GEMIN5: variants seen among roughly 807,000 people sequenced by gnomAD.
GEMIN5 encodes the protein gem nuclear organelle associated protein 5.
A neutral mutation model predicts 176.9 loss-of-function variants in GEMIN5; 124 were observed. That is an observed-to-expected ratio of 0.70 (90% CI 0.61 to 0.81). The LOEUF is 0.81. GEMIN5 is among the 40% of genes least tolerant of loss of function. The probability of loss-of-function intolerance (pLI) is 0.00; values close to 1 mark genes in which losing one functional copy is unlikely to be tolerated. For missense variants in GEMIN5, 1,843 were observed against 1,814.6 expected, an observed-to-expected ratio of 1.02 and a Z score of -0.28; for synonymous variants, 673 against 665.2, an observed-to-expected ratio of 1.01 and a Z score of -0.18.
chr5:154,924,846 A>G (rs168356), intron 8 of GEMIN5, among the ~76,000 whole-genome samples: 145,390 of 151,582 alleles, frequency 0.96, 69,790 homozygotes, highest in South Asian at 0.99. Flanking sequence ...AAAATTAGCC[A>G]GGCGTGGTGG....
At chr5:154,923,739 C>T (rs1582671079) in intron 9 of GEMIN5, among the ~76,000 whole-genome samples, 1 of 152,178 alleles carries the variant, frequency 6.6e-6, no homozygotes, top group Admixed American at 6.5e-5. Flanking sequence ...CAGTGTTGTT[C>T]AATAAGGTAG....
At chr5:154,931,836 G>A in intron 4 of GEMIN5, 1 of 489,240 alleles carries the variant, frequency 2.0e-6, no homozygotes, top group Non-Finnish European at 3.6e-6. Flanking sequence ...CCAACATGGA[G>A]AAACCTGTCT....
At chr5:154,899,090 G>T in intron 22 of GEMIN5, 101 bp downstream of exon 22, 1 of 1,155,488 alleles carries the variant, frequency 8.7e-7, no homozygotes, top group Non-Finnish European at 1.2e-6. Context: ...ATTCCTTGCT[G>T]CTTTACCTCC....
intron 10 of GEMIN5, among the ~76,000 whole-genome samples, chr5:154,920,951 G>C (rs890730490): frequency 1.3e-5 from 2 of 152,158 alleles, no homozygotes; most frequent in Admixed American, 1.3e-4. Flanking sequence ...TGCTTTTCCT[G>C]TGGGTGAAAA....
intron 26 of GEMIN5, among the ~76,000 whole-genome samples, chr5:154,890,303 T>C (rs1229981353): frequency 1.3e-5 from 2 of 152,202 alleles, no homozygotes; most frequent in East Asian, 1.9e-4. Context: ...TCTTTTGTTA[T>C]GCCTGGGTAG....
rs1764070668 is a variant in GEMIN5 at position 154,927,504 on chromosome 5, A to G, written c.961T>C (p.Tyr321His). 5.6e-6 allele frequency: 9 copies of G among 1,611,170 alleles called. No individual in the cohort carries two copies. The Admixed American group carries it at 1.5e-4, about 27-fold the overall frequency. Reference protein sequence around the residue: ...WDLTQSWRRKYTLFSASSEGQ... With the variant: ...WDLTQSWRRKHTLFSASSEGQ... ...TCTGATGAGGCACTGAAGAGGGTGT[A>G]TTTCCGTCTCCAAGATTGAGTGAGA... The change falls in exon 7 of 28, where the codon TAC becomes CAC. Residue 321 changes from tyrosine to histidine, a missense_variant. Tyr to His is a moderately conservative substitution (Grantham distance 83, BLOSUM62 2). Coordinates refer to ENST00000285873, the MANE Select transcript of GEMIN5 (RefSeq NM_015465.5).
In GEMIN5 at chr5:154,935,855, A is replaced by T; in HGVS notation, c.495T>A (p.Asp165Glu). Residue 165 changes from aspartate to glutamate, a missense_variant, in exon 3 of 28, where the codon GAT (aspartate) becomes GAA (glutamate). By Grantham distance (45) the Asp-to-Glu change is conservative. Coordinates refer to ENST00000285873, the MANE Select transcript of GEMIN5 (RefSeq NM_015465.5). The stretch of plus-strand genomic sequence containing the variant: ...ATAGTACTTACCCAATGGCTACTAA[A>T]TCTTCATGATGAGGTGAACAAGTAA... The part of the protein sequence containing the change: ...FCLTCSPHHE[D>E]LVAIGYKDGI... The T allele has an allele frequency of 6.2e-7, 1 of 1,612,512 alleles. No homozygotes were observed. Among genetic ancestry groups the T allele is most frequent in the Non-Finnish European group, 8.5e-7 (1 of 1,178,724 alleles).
chr5:154,935,785 G>T, intron 3 of GEMIN5, 56 bp downstream of exon 3: 1 of 1,266,030 alleles, frequency 7.9e-7, no homozygotes, highest in Non-Finnish European at 1.1e-6. Context: ...TAAAGAAAAT[G>T]CAAAACACGA....
chr5:154,922,180 G>T (rs348740), intron 9 of GEMIN5, among the ~76,000 whole-genome samples: 146,150 of 152,304 alleles, frequency 0.96, 70,181 homozygotes, highest in South Asian at 0.99. Context: ...CTTTTTTTCT[G>T]TTTTAGAGAC....
chr5:154,896,713 C>G (rs529659358), intron 23 of GEMIN5, among the ~76,000 whole-genome samples: 1 of 152,338 alleles, frequency 6.6e-6, no homozygotes, highest in East Asian at 1.9e-4. Context: ...CCTGACCAAA[C>G]TTTGGACTCA....
At position 154,892,401 on chromosome 5, in the gene GEMIN5, G is replaced by T. The variant is rs1028256065; in HGVS notation, c.3746C>A (p.Ala1249Asp). The T allele has an allele frequency of 6.2e-7, 1 of 1,613,800 alleles. No individual in the cohort carries two copies. The highest frequency in any genetic ancestry group is 1.7e-5 in the Admixed American group (1 of 59,986). ...AAGTCACTTACCGTCAGGGAGAAAG[G>T]CTGAGTACACTTCCTGCATGATGGT... is the stretch of plus-strand genomic sequence containing the variant. The part of the protein sequence containing the change: ...SFTIMQEVYS[A>D]FLPDGCDHLR... Residue 1249 changes from alanine (A) to aspartate (D), a missense_variant, in exon 25 of 28, where the codon GCC becomes GAC. Ala to Asp is a moderately radical substitution (Grantham distance 126). Transcript: ENST00000285873.
chr5:154,938,087 CAG>C lies in GEMIN5; in HGVS notation c.45_46del (p.Tyr15Ter). 1 of 1,496,028 alleles carries C rather than the reference CAG, an allele frequency of 6.7e-7. No homozygotes were observed. Among genetic ancestry groups the C allele is most frequent in the Non-Finnish European group, 8.9e-7 (1 of 1,125,940 alleles). 92.7% of individuals were successfully genotyped at this position (1,496,028 alleles called of 1,614,324 possible). A position where few individuals can be genotyped will look rare whatever the true frequency, so the allele number is the denominator to read the frequency against. Reference sequence around the variant, plus strand: ...GGGCACGGCATCGCTGCAGCGGGCGCAGTACCAGTTGGGGGAGGGCGGCAGCG... The same window carrying C: ...GGGCACGGCATCGCTGCAGCGGGCGCTACCAGTTGGGGGAGGGCGGCAGCG... On this transcript the variant is annotated stop_gained and frameshift_variant, in exon 1 of 28. Transcript: ENST00000285873. LOFTEE classifies it high-confidence loss of function.
Position 154,891,588 on chromosome 5 carries a change from AG to A in GEMIN5, c.3914del (p.Ala1305ValfsTer14), listed in dbSNP as rs758131028. On this transcript the variant is annotated frameshift_variant, in exon 26 of 28. Coordinates refer to ENST00000285873, the MANE Select transcript of GEMIN5 (RefSeq NM_015465.5). LOFTEE classifies it high-confidence loss of function. Reference sequence around the variant, plus strand: ...GCTCAACAGAGAGTGTTCTGTGACCAGCCCTTACCCAGACACTGGAATTTGG... The same window carrying A: ...GCTCAACAGAGAGTGTTCTGTGACCACCCTTACCCAGACACTGGAATTTGG... ...PCPNSSVWVR[A>X]GHRTLSVEPS... 1 of 1,614,158 alleles carries A rather than the reference AG, an allele frequency of 6.2e-7. No homozygotes were observed. Among genetic ancestry groups the A allele is most frequent in the South Asian group, 1.1e-5 (1 of 91,090 alleles).
intron 11 of GEMIN5, among the ~76,000 whole-genome samples, chr5:154,918,661 A>G (rs1763859829): frequency 1.3e-5 from 2 of 152,250 alleles, no homozygotes; most frequent in Non-Finnish European, 2.9e-5. Flanking sequence ...AATTAAAGAC[A>G]ATGAGGGAAT....
rs1169597474 is a variant in GEMIN5 at position 154,932,366 on chromosome 5, G to A, written c.510-116C>T. The A allele has an allele frequency of 1.5e-5, 11 of 714,250 alleles. No individual in the cohort carries two copies. The East Asian group carries it at 2.3e-4, about 15-fold the overall frequency. The allele number at this position is 714,250 out of a possible 1,614,324, so 44.2% of individuals were successfully genotyped here. ...ATTCCTTAAAGTTAGGTGCATTTGGGGTGGCGGAGGAGGGAAGAGGACAAA... is the reference window on the plus strand; with the variant it reads ...ATTCCTTAAAGTTAGGTGCATTTGGAGTGGCGGAGGAGGGAAGAGGACAAA... On this transcript the variant is annotated intron_variant, in intron 3 of 27. Coordinates refer to ENST00000285873, the MANE Select transcript of GEMIN5 (RefSeq NM_015465.5).
intron 22 of GEMIN5, 41 bp from the exon 23 acceptor site, chr5:154,898,691 GATTTTT>G (rs768046822): frequency 7.0e-7 from 1 of 1,422,332 alleles, no homozygotes; most frequent in Non-Finnish European, 9.9e-7. Context: ...GTCACAAACA[GATTTTT>G]ATTCCCATTC....
In GEMIN5 at chr5:154,911,990, A is replaced by G. The variant is rs533351313; in HGVS notation, c.1996-92T>C. The G allele has an allele frequency of 6.6e-6, 8 of 1,213,680 alleles. No homozygotes were observed. In the African/African-American group the frequency reaches 1.1e-4, roughly 16 times the overall value. The allele number at this position is 1,213,680 out of a possible 1,614,324, so 75.2% of individuals were successfully genotyped here. A position where few individuals can be genotyped will look rare whatever the true frequency, so the allele number is the denominator to read the frequency against. On this transcript the variant is annotated intron_variant, in intron 14 of 27. Transcript: ENST00000285873. ...TCTAATTAAAAACAAAAAACAAAAA[A>G]CAAAAACAATCTGCGGCCTCTTATT...
At position 154,892,398 on chromosome 5, in the gene GEMIN5, A is replaced by T. The variant is rs753073674; in HGVS notation, c.3749T>A (p.Phe1250Tyr). 1.4e-5 allele frequency: 23 copies of T among 1,613,558 alleles called. No individual in the cohort carries two copies. The highest frequency in any genetic ancestry group is 8.3e-5 in the Admixed American group (5 of 59,986). The change falls in exon 25 of 28, where the codon TTT (phenylalanine) becomes TAT (tyrosine). Residue 1250 changes from phenylalanine (F) to tyrosine (Y), a missense_variant. Phe to Tyr is a conservative substitution (Grantham distance 22). Transcript: ENST00000285873. The part of the protein sequence containing the change: ...FTIMQEVYSA[F>Y]LPDGCDHLRD... ...AGGAAGTCACTTACCGTCAGGGAGAAAGGCTGAGTACACTTCCTGCATGAT... is the reference window on the plus strand; with the variant it reads ...AGGAAGTCACTTACCGTCAGGGAGATAGGCTGAGTACACTTCCTGCATGAT...
rs146075014 is a variant in GEMIN5, at chr5:154,891,402, G to C, written c.4101C>G (p.Leu1367=). 3.1e-6 allele frequency: 5 copies of C among 1,614,016 alleles called. No homozygotes were observed. Among genetic ancestry groups the C allele is most frequent in the African/African-American group, 1.3e-5 (1 of 74,910 alleles). ...KELFSEKHAS[L]QNSQRTVAEV... ...CAGCAACAGTTCTCTGTGAGTTTTG[G>C]AGACTGGCATGCTTTTCTGAAAAGA... Residue 1367 remains leucine (L), a synonymous_variant, in exon 26 of 28, where the codon CTC becomes CTG. Transcript: ENST00000285873.
Sources: gnomAD v4.1 joint callset for allele counts (sites outside exome capture counted in the v4.1 genomes callset) on GRCh38, gnomAD v4.1.1 for gene constraint, MANE v1.5 for transcripts, NCBI Gene and HGNC (gene_info 2026-07-23, HGNC 2026-07-21) for gene names.